Variants in IL18BP observed in about 807,000 individuals in gnomAD.
IL18BP encodes interleukin-18-binding protein.
A neutral mutation model predicts 19.9 loss-of-function variants in IL18BP; 23 were observed. That is an observed-to-expected ratio of 1.15 (90% CI 0.83 to 1.64). The LOEUF (loss-of-function observed/expected upper bound fraction) is 1.64, where lower values mean the gene tolerates loss of function less well. IL18BP is among the 40% of genes most tolerant of loss of function. The probability of loss-of-function intolerance (pLI) is 0.00; values close to 1 mark genes in which losing one functional copy is unlikely to be tolerated. For synonymous variants in IL18BP, 107 were observed against 101.0 expected (o/e 1.06, Z -0.35); for missense variants, 239 against 240.7 (o/e 0.99, Z 0.05).
downstream of IL18BP, chr11:72,004,591 C>A (rs1416777971): frequency 6.3e-7 from 1 of 1,576,994 alleles, no homozygotes. Flanking sequence ...TGAGCTGGGC[C>A]TGACCTGAGC....
intron 3 of IL18BP, 114 bp from the exon 4 acceptor site, chr11:72,001,087 T>C (rs1407580397): frequency 1.5e-6 from 2 of 1,307,440 alleles, no homozygotes; most frequent in Admixed American, 3.7e-5. Flanking sequence ...GCAGAGCAGT[T>C]CTCTAGGTTC....
At chr11:72,003,825 C>A, downstream of IL18BP, 4 of 1,542,200 alleles carry the variant, frequency 2.6e-6, no homozygotes, top group South Asian at 2.3e-5. Context: ...CTTGGTGGGG[C>A]GGTCTGGGGG....
chr11:72,000,563 A>C lies in IL18BP; in HGVS notation c.235+6A>C, dbSNP rs1383383435. The stretch of plus-strand genomic sequence containing the variant: ...AGAGGTGGAAGTGCCACTGAGTAAG[A>C]AGCACAGTGGTGGAGGGTGGGCTAT... On this transcript the variant is annotated splice_donor_region_variant and intron_variant, in intron 3 of 5. Transcript: ENST00000393703. 1.2e-6 allele frequency: 2 copies of C among 1,606,506 alleles called. No individual in the cohort carries two copies. The highest frequency in any genetic ancestry group is 1.1e-5 in the South Asian group (1 of 91,032).
downstream of IL18BP, chr11:72,004,272 T>C (rs1955512930): frequency 6.2e-7 from 1 of 1,613,324 alleles, no homozygotes; most frequent in Admixed American, 1.7e-5. Flanking sequence ...TCAGTAGTGC[T>C]CTGTTTGCGC....
downstream of IL18BP, chr11:72,007,398 G>A (rs1955807673): frequency 6.2e-7 from 1 of 1,613,820 alleles, no homozygotes. Context: ...GGTTCTCCAG[G>A]GACGCTGGTG....
downstream of IL18BP, chr11:72,007,770 G>A (rs1009540251): frequency 2.6e-6 from 1 of 388,778 alleles, no homozygotes; most frequent in Non-Finnish European, 4.8e-6. Flanking sequence ...TCAGTGAATA[G>A]GAACGCCCCC....
At chr11:72,006,145 C>G (rs1046742819), downstream of IL18BP, 6 of 1,614,164 alleles carry the variant, frequency 3.7e-6, no homozygotes, top group Non-Finnish European at 5.1e-6. Flanking sequence ...ATCGGGAGAA[C>G]CCAGGCGAGC....
At chr11:72,000,668 G>C (rs1251042032) in intron 3 of IL18BP, 111 bp downstream of exon 3, 7 of 879,428 alleles carry the variant, frequency 8.0e-6, no homozygotes, top group Admixed American at 2.0e-5. Flanking sequence ...TGAGCCAGCT[G>C]GGCTGAGCAC....
intron 2 of IL18BP, 122 bp from the exon 3 acceptor site, chr11:72,000,229 G>T: frequency 1.0e-6 from 1 of 967,504 alleles, no homozygotes; most frequent in Non-Finnish European, 1.6e-6. Flanking sequence ...GTGCTGAGGG[G>T]TCCCTCTTCC....
chr11:72,004,848 A>G (rs768447015), downstream of IL18BP: 1 of 1,534,560 alleles, frequency 6.5e-7, no homozygotes, highest in East Asian at 2.3e-5. Flanking sequence ...TCAGTGGACC[A>G]TAGCTGTATG....
intron 1 of IL18BP, chr11:71,999,465 G>A (rs996142756): frequency 9.1e-6 from 2 of 218,922 alleles, no homozygotes; most frequent in Non-Finnish European, 1.9e-5. Context: ...GAGAGTAGGA[G>A]TCCCAGGAGC....
chr11:72,005,302 A>G (rs750785987), downstream of IL18BP: 99 of 1,608,974 alleles, frequency 6.2e-5, no homozygotes, highest in Non-Finnish European at 8.2e-5. Context: ...GCAGCTCTGC[A>G]ATGCGGTTCC....
At chr11:72,003,217 AG>A, downstream of IL18BP, 1 of 456,958 alleles carries the variant, frequency 2.2e-6, no homozygotes, top group Non-Finnish European at 4.0e-6. Flanking sequence ...GCCAGGCCCA[AG>A]GACCCAGCCA....
downstream of IL18BP, chr11:72,003,811 G>A (rs1047782442): frequency 1.4e-6 from 2 of 1,471,908 alleles, no homozygotes; most frequent in Non-Finnish European, 9.4e-7. Context: ...CATCTTGGAT[G>A]CTACTTGGTG....
Position 72,001,350 on chromosome 11 carries a change from T to C in IL18BP, c.359+26T>C, listed in dbSNP as rs577273660. Reference sequence around the variant, plus strand: ...GTGAGGGTCGCAGCAGCCAGGTGGGTGGGAAGGAGGCCTTCTGCGGCCTTC... The same window carrying C: ...GTGAGGGTCGCAGCAGCCAGGTGGGCGGGAAGGAGGCCTTCTGCGGCCTTC... On this transcript the variant is annotated intron_variant, in intron 4 of 5. Transcript: ENST00000393703. 5.1e-5 allele frequency: 82 copies of C among 1,614,140 alleles called. 1 individual carries two copies. In the South Asian group the frequency reaches 7.8e-4, roughly 15 times the overall value.
chr11:72,005,206 G>GC, downstream of IL18BP: 1 of 1,565,880 alleles, frequency 6.4e-7, no homozygotes, highest in Non-Finnish European at 8.6e-7. Context: ...GGGATGGGAG[G>GC]CCCTGCACAG....
chr11:72,000,395 ACT>A lies in IL18BP; in HGVS notation c.77_78del (p.Leu26ProfsTer19), dbSNP rs1349089045. On this transcript the variant is annotated frameshift_variant, in exon 3 of 6. Coordinates refer to ENST00000393703, the MANE Select transcript of IL18BP (RefSeq NM_001039660.2). LOFTEE classifies it high-confidence loss of function. ...CCTGCTCCTGTGTGCCCACGTCGTCACTCTCCTGGTCAGAGCCACACCTGTCT... is the reference window on the plus strand; with the variant it reads ...CCTGCTCCTGTGTGCCCACGTCGTCACTCCTGGTCAGAGCCACACCTGTCT... Reference protein sequence around the residue: ...WVLLLCAHVVTLLVRATPVSQ... With the variant: ...WVLLLCAHVVXLLVRATPVSQ... 2 of 1,613,430 alleles carry A rather than the reference ACT, an allele frequency of 1.2e-6. No individual in the cohort carries two copies. Among genetic ancestry groups the A allele is most frequent in the Non-Finnish European group, 1.7e-6 (2 of 1,179,866 alleles).
downstream of IL18BP, chr11:72,007,217 G>A (rs756247990): frequency 7.4e-6 from 12 of 1,611,432 alleles, no homozygotes; most frequent in Admixed American, 3.3e-5. Context: ...GATGATCTGC[G>A]TGGTGCGCCG....
downstream of IL18BP, chr11:72,003,971 G>A: frequency 3.1e-6 from 5 of 1,613,354 alleles, no homozygotes; most frequent in Non-Finnish European, 4.2e-6. Flanking sequence ...GAGAACGGCG[G>A]GTTCCACTGC....
Sources: gnomAD v4.1 joint callset for allele counts on GRCh38, gnomAD v4.1.1 for gene constraint, MANE v1.5 for transcripts, NCBI Gene and HGNC (gene_info 2026-07-23, HGNC 2026-07-21) for gene names.